APOA4: variants seen among roughly 807,000 people sequenced by gnomAD.
APOA4 encodes the protein apolipoprotein A-IV.
A neutral mutation model predicts 33.6 loss-of-function variants in APOA4; 25 were observed. The ratio of observed to expected loss-of-function variants is 0.74; its 90% confidence interval spans 0.54 to 1.04. The LOEUF (loss-of-function observed/expected upper bound fraction) is 1.04, where lower values mean the gene tolerates loss of function less well. APOA4 is among the 50% of genes least tolerant of loss of function. APOA4 has a pLI of 0.00. For synonymous variants in APOA4, 228 were observed against 224.0 expected (o/e 1.02, Z -0.16); for missense variants, 549 against 510.4 (o/e 1.08, Z -0.73).
rs533482684 is a variant in APOA4, at chr11:116,821,211, C to A, written c.847G>T (p.Glu283Ter). The A allele has an allele frequency of 1.2e-6, 2 of 1,613,250 alleles. No homozygotes were observed. The highest frequency in any genetic ancestry group is 1.7e-6 in the Non-Finnish European group (2 of 1,180,034). Reference protein sequence around the residue: ...DVRGNLRGNTEGLQKSLAELG... With the variant: ...DVRGNLRGNT ...TCTGCCAGTGACTTCTGCAGCCCCTCGGTGTTGCCCCTCAGGTTGCCACGC... is the reference window on the plus strand; with the variant it reads ...TCTGCCAGTGACTTCTGCAGCCCCTAGGTGTTGCCCCTCAGGTTGCCACGC... Residue 283 changes from glutamate to a stop codon, truncating the protein, a stop_gained, in exon 3 of 3, where the codon GAG becomes TAG. Transcript: ENST00000357780. LOFTEE classifies it high-confidence loss of function.
intron 2 of APOA4, among the ~76,000 whole-genome samples, 175 bp downstream of exon 2, chr11:116,822,484 G>C (rs764781226): frequency 2.0e-5 from 3 of 152,162 alleles, no homozygotes; most frequent in African/African-American, 7.2e-5. Context: ...GGGATTATTC[G>C]GTCCAAACTT....
At chr11:116,822,402 C>A (rs1941337862) in intron 2 of APOA4, among the ~76,000 whole-genome samples, 1 of 152,212 alleles carries the variant, frequency 6.6e-6, no homozygotes, top group South Asian at 2.1e-4. Flanking sequence ...CCCTCCCTCT[C>A]TTCCATGAGC....
At position 116,821,698 on chromosome 11, in the gene APOA4, C is replaced by A. The variant is rs1284106918; in HGVS notation, c.360G>T (p.Val120=). The part of the protein sequence containing the change: ...RARLLPHANE[V]SQKIGDNLRE... Reference sequence around the variant, plus strand: ...GCAGGTTGTCCCCGATCTTCTGGCTCACCTCATTGGCATGGGGCAGCAGCC... The same window carrying A: ...GCAGGTTGTCCCCGATCTTCTGGCTAACCTCATTGGCATGGGGCAGCAGCC... The change falls in exon 3 of 3, where the codon GTG becomes GTT. Residue 120 remains valine (V), a synonymous_variant. Transcript: ENST00000357780. 2 of 1,581,602 alleles carry A rather than the reference C, an allele frequency of 1.3e-6. No homozygotes were observed. Among genetic ancestry groups the A allele is most frequent in the Non-Finnish European group, 1.7e-6 (2 of 1,152,498 alleles).
In APOA4 at chr11:116,821,811, A is replaced by G; in HGVS notation, c.247T>C (p.Phe83Leu). The G allele has an allele frequency of 6.2e-7, 1 of 1,608,840 alleles. No homozygotes were observed. The change falls in exon 3 of 3, where the codon TTT becomes CTT. Residue 83 changes from phenylalanine (F) to leucine (L), a missense_variant. Physicochemically the swap from Phe to Leu is conservative, Grantham distance 22. Coordinates refer to ENST00000357780, the MANE Select transcript of APOA4 (RefSeq NM_000482.4). Reference sequence around the variant, plus strand: ...AGGCGTTCATGCAGCTCGGTGGCAAAGGGCACCAGCTTCTTCTGCAGGTCA... The same window carrying G: ...AGGCGTTCATGCAGCTCGGTGGCAAGGGGCACCAGCTTCTTCTGCAGGTCA... ...AGDLQKKLVPFATELHERLAK... is the reference protein window; with the variant it reads ...AGDLQKKLVPLATELHERLAK...
In APOA4 at chr11:116,820,959, T is replaced by C. The variant is rs675; in HGVS notation, c.1099A>G (p.Thr367Ala). The change falls in exon 3 of 3, where the codon ACT becomes GCT. Residue 367 changes from threonine (T) to alanine (A), a missense_variant. By Grantham distance (58) the Thr-to-Ala change is moderately conservative. Coordinates refer to ENST00000357780, the MANE Select transcript of APOA4 (RefSeq NM_000482.4). The stretch of plus-strand genomic sequence containing the variant: ...TGCTCCAGCTCAGGGAGGGAGAGAG[T>C]CTTGTCCTGGCTCTCTTTCTCCTTG... Reference protein sequence around the residue: ...TFKEKESQDKTLSLPELEQQQ... With the variant: ...TFKEKESQDKALSLPELEQQQ... 1.2e-3 allele frequency: 2,007 copies of C among 1,613,728 alleles called. 7 individuals are homozygous for C. In the Middle Eastern group the frequency reaches 0.023, roughly 18 times the overall value.
rs1941311777 is a variant in APOA4, at chr11:116,820,924, T to C, written c.1134A>G (p.Glu378=). ...LSLPELEQQQ[E]QQQEQQQEQV... ...GCTCCTGCTGCTGCTCCTGCTGCTG[T>C]TCCTGCTGTTGCTCCAGCTCAGGGA... The change falls in exon 3 of 3, where the codon GAA becomes GAG. Residue 378 remains glutamate (E), a synonymous_variant. Transcript: ENST00000357780. 1 of 1,613,796 alleles carries C rather than the reference T, an allele frequency of 6.2e-7. No individual in the cohort carries two copies. The highest frequency in any genetic ancestry group is 2.2e-5 in the East Asian group (1 of 44,882).
chr11:116,821,899 A>T lies in APOA4; in HGVS notation c.177-18T>A. On this transcript the variant is annotated intron_variant, in intron 2 of 2. Transcript: ENST00000357780. ...AGAGGGCACTGTGGGGAAGGGCACA[A>T]GGAGGCCACGTTACATTTGGCATTT... 1 of 1,611,788 alleles carries T rather than the reference A, an allele frequency of 6.2e-7. No individual in the cohort carries two copies. Among genetic ancestry groups the T allele is most frequent in the Non-Finnish European group, 8.5e-7 (1 of 1,180,024 alleles).
At position 116,821,597 on chromosome 11, in the gene APOA4, C is replaced by CAT. The variant is rs1941324879; in HGVS notation, c.460_461insAT (p.Arg154HisfsTer5). The CAT allele has an allele frequency of 6.2e-7, 1 of 1,609,740 alleles. No individual in the cohort carries two copies. The highest frequency in any genetic ancestry group is 1.1e-5 in the South Asian group (1 of 90,986). On this transcript the variant is annotated frameshift_variant, in exon 3 of 3. Coordinates refer to ENST00000357780, the MANE Select transcript of APOA4 (RefSeq NM_000482.4). LOFTEE classifies it high-confidence loss of function. ...CTGTGCGTAGGGGGTCAGCTGGCGC[C>CAT]GCAGCTGCTCGGCCTGCGTGCTGAC...
At chr11:116,822,615 T>C in intron 2 of APOA4, 44 bp downstream of exon 2, 1 of 1,614,052 alleles carries the variant, frequency 6.2e-7, no homozygotes, top group African/African-American at 1.3e-5. Context: ...TTGCATGGCC[T>C]TTAAGAATTC....
In APOA4 at chr11:116,821,163, G is replaced by T. The variant is rs756688595; in HGVS notation, c.895C>A (p.Gln299Lys). 15 of 1,613,514 alleles carry T rather than the reference G, an allele frequency of 9.3e-6. No homozygotes were observed. The South Asian group carries it at 1.5e-4, about 17-fold the overall frequency. The change falls in exon 3 of 3, where the codon CAG becomes AAG. Residue 299 changes from glutamine to lysine, a missense_variant. Gln to Lys is a moderately conservative substitution (Grantham distance 53, BLOSUM62 1). Coordinates refer to ENST00000357780, the MANE Select transcript of APOA4 (RefSeq NM_000482.4). ...ACCCGGCGTCGGAACTCCTCCACCT[G>T]CTGGTCCAGGTGCCCACCCAGCTCT... ...LAELGGHLDQQVEEFRRRVEP... is the reference protein window; with the variant it reads ...LAELGGHLDQKVEEFRRRVEP...
intron 2 of APOA4, 118 bp downstream of exon 2, chr11:116,822,541 T>G: frequency 6.7e-7 from 1 of 1,492,010 alleles, no homozygotes. Flanking sequence ...GGCCAGTTAG[T>G]GGCAGGGCAG....
chr11:116,821,681 T>A lies in APOA4; in HGVS notation c.377A>T (p.Asp126Val). ...HANEVSQKIG[D>V]NLRELQQRLE... ...GCGCTGCTGAAGCTCTCGCAGGTTG[T>A]CCCCGATCTTCTGGCTCACCTCATT... is the stretch of plus-strand genomic sequence containing the variant. Residue 126 changes from aspartate (D) to valine (V), a missense_variant, in exon 3 of 3, where the codon GAC becomes GTC. Asp to Val is a radical substitution (Grantham distance 152). Coordinates refer to ENST00000357780, the MANE Select transcript of APOA4 (RefSeq NM_000482.4). The A allele has an allele frequency of 6.3e-7, 1 of 1,597,250 alleles. No homozygotes were observed. The highest frequency in any genetic ancestry group is 8.6e-7 in the Non-Finnish European group (1 of 1,166,754).
Position 116,821,063 on chromosome 11 carries a change from T to TG in APOA4, c.994dup (p.His332ProfsTer41). On this transcript the variant is annotated frameshift_variant, in exon 3 of 3. Coordinates refer to ENST00000357780, the MANE Select transcript of APOA4 (RefSeq NM_000482.4). LOFTEE classifies it high-confidence loss of function. Reference sequence around the variant, plus strand: ...CAAGTGGCCTTCCACGTCCCCCGCATGGGGGCCCAGTTTCTGCCTGAGCTG... The same window carrying TG: ...CAAGTGGCCTTCCACGTCCCCCGCATGGGGGGCCCAGTTTCTGCCTGAGCTG... 1 of 1,614,176 alleles carries TG rather than the reference T, an allele frequency of 6.2e-7. No individual in the cohort carries two copies. Among genetic ancestry groups the TG allele is most frequent in the Non-Finnish European group, 8.5e-7 (1 of 1,180,038 alleles).
Position 116,823,241 on chromosome 11 carries a change from C to T in APOA4, c.-50G>A, listed in dbSNP as rs1332873068. ...GAGTTTCTTGCCACACTGGATCCTC[C>T]CTACAATCAGGGGAGCTGACAGAGA... On this transcript the variant is annotated 5_prime_UTR_variant, in exon 1 of 3. Coordinates refer to ENST00000357780, the MANE Select transcript of APOA4 (RefSeq NM_000482.4). 1 of 1,610,180 alleles carries T rather than the reference C, an allele frequency of 6.2e-7. No individual in the cohort carries two copies. Among genetic ancestry groups the T allele is most frequent in the Admixed American group, 1.7e-5 (1 of 60,010 alleles).
chr11:116,821,646 A>T lies in APOA4; in HGVS notation c.412T>A (p.Tyr138Asn). 6.2e-7 allele frequency: 1 copy of T among 1,610,618 alleles called. No individual in the cohort carries two copies. The highest frequency in any genetic ancestry group is 8.5e-7 in the Non-Finnish European group (1 of 1,178,018). ...ACCTGGGTGCGCAGCTGGTCCGCGT[A>T]GGGCTCCAGGCGCTGCTGAAGCTCT... is the stretch of plus-strand genomic sequence containing the variant. ...LRELQQRLEP[Y>N]ADQLRTQVST... Residue 138 changes from tyrosine to asparagine, a missense_variant, in exon 3 of 3, where the codon TAC becomes AAC. Physicochemically the swap from Tyr to Asn is moderately radical, Grantham distance 143 (BLOSUM62 -2). Transcript: ENST00000357780.
chr11:116,823,039 G>A (rs1941343583), intron 1 of APOA4, 104 bp downstream of exon 1: 22 of 1,471,868 alleles, frequency 1.5e-5, no homozygotes, highest in Non-Finnish European at 2.1e-5. Flanking sequence ...CCAGCTGGGG[G>A]CTGATGGGCA....
chr11:116,821,747 T>C lies in APOA4; in HGVS notation c.311A>G (p.Lys104Arg). Residue 104 changes from lysine to arginine, a missense_variant, in exon 3 of 3, where the codon AAG (lysine) becomes AGG (arginine). Lys to Arg is a conservative substitution (Grantham distance 26). Transcript: ENST00000357780. ...CCGGGCCCTCAGCTCCTCCAGCTCCTTCCCAATCTCCTCCTTCAGTTTCTC... is the reference window on the plus strand; with the variant it reads ...CCGGGCCCTCAGCTCCTCCAGCTCCCTCCCAATCTCCTCCTTCAGTTTCTC... ...DSEKLKEEIG[K>R]ELEELRARLL... The C allele has an allele frequency of 6.4e-7, 1 of 1,554,034 alleles. No individual in the cohort carries two copies. The highest frequency in any genetic ancestry group is 8.9e-7 in the Non-Finnish European group (1 of 1,125,556).
chr11:116,823,082 C>A, intron 1 of APOA4, 61 bp downstream of exon 1: 1 of 1,596,290 alleles, frequency 6.3e-7, no homozygotes, highest in Middle Eastern at 1.7e-4. Flanking sequence ...GGCTCAGCCT[C>A]CATCCTGCAC....
rs139025822 is a variant in APOA4, at chr11:116,821,970, A to G, written c.177-89T>C. On this transcript the variant is annotated intron_variant, in intron 2 of 2. Transcript: ENST00000357780. ...CTTGTATACCACTCGCCTTATGCAC[A>G]CGTGCTAGGACAGGTGAGTGCTCAG... The G allele has an allele frequency of 1.5e-3, 2,401 of 1,552,234 alleles. 32 individuals are homozygous for G. In the African/African-American group the frequency reaches 0.028, roughly 18 times the overall value.
Sources: gnomAD v4.1 joint callset for allele counts (sites outside exome capture counted in the v4.1 genomes callset) on GRCh38, gnomAD v4.1.1 for gene constraint, MANE v1.5 for transcripts, NCBI Gene and HGNC (gene_info 2026-07-23, HGNC 2026-07-21) for gene names.